The following NDRG2 variants were observed in gnomAD, a reference collection of about 807,000 sequenced individuals.
NDRG2 encodes the protein protein NDRG2.
A neutral mutation model predicts 58.2 loss-of-function variants in NDRG2; 34 were observed. That is an observed-to-expected ratio of 0.58 (90% CI 0.44 to 0.78). The LOEUF (loss-of-function observed/expected upper bound fraction) is 0.78, where lower values mean the gene tolerates loss of function less well. Among genes scored for constraint, NDRG2 ranks in the 30% least tolerant of loss-of-function variants. The pLI is 0.00. For synonymous variants in NDRG2, 187 were observed against 175.9 expected (o/e 1.06, Z -0.50); for missense variants, 434 against 471.2 (o/e 0.92, Z 0.73).
chr14:21,036,811 T>G (rs1231985211), intron 1 of NDRG2, among the ~76,000 whole-genome samples: 1 of 152,168 alleles, frequency 6.6e-6, no homozygotes, highest in Non-Finnish European at 1.5e-5. Flanking sequence ...TGGGAAGACC[T>G]CGCCAAGGAA....
chr14:21,033,985 G>A (rs533949543), intron 1 of NDRG2: 1 of 1,613,968 alleles, frequency 6.2e-7, no homozygotes, highest in African/African-American at 1.3e-5. Flanking sequence ...TCCTGGGTGA[G>A]TGTGCAGTAT....
rs1183340976 is a variant in NDRG2, at chr14:21,019,190, T to C, written c.717-30A>G. On this transcript the variant is annotated intron_variant, in intron 10 of 15. Transcript: ENST00000556147. ...AAAGGGGTTAAAAGAGTAGGAATTTTAGGTGGGCAATGCTATCTAACCAGA... is the reference window on the plus strand; with the variant it reads ...AAAGGGGTTAAAAGAGTAGGAATTTCAGGTGGGCAATGCTATCTAACCAGA... The C allele has an allele frequency of 4.4e-6, 7 of 1,597,114 alleles. No homozygotes were observed. In the African/African-American group the frequency reaches 9.5e-5, roughly 22 times the overall value.
intron 1 of NDRG2, chr14:21,032,165 A>G: frequency 7.3e-7 from 1 of 1,372,932 alleles, no homozygotes; most frequent in South Asian, 1.2e-5. Flanking sequence ...CTGTGTGTGC[A>G]GCAGCCAAAA....
chr14:21,030,442 A>G, upstream of NDRG2: 1 of 847,876 alleles, frequency 1.2e-6, no homozygotes. Context: ...AGGAGAGAGC[A>G]ACAGGGAAGA....
intron 1 of NDRG2, among the ~76,000 whole-genome samples, chr14:21,035,557 T>TA (rs1396553675): frequency 1.3e-5 from 2 of 152,206 alleles, no homozygotes; most frequent in African/African-American, 4.8e-5. Flanking sequence ...GGGCCTCCTC[T>TA]TAGGAGAGCC....
At chr14:21,022,979 A>C in intron 2 of NDRG2, 74 bp from the exon 3 acceptor site, 1 of 1,537,640 alleles carries the variant, frequency 6.5e-7, no homozygotes, top group Non-Finnish European at 9.0e-7. Flanking sequence ...CAAACAGACA[A>C]AGAGAGGCAA....
upstream of NDRG2, chr14:21,025,779 A>G (rs1299811689): frequency 7.0e-6 from 6 of 857,624 alleles, no homozygotes; most frequent in African/African-American, 1.1e-4. The surrounding 1 kb of genome is among the most constrained non-coding windows in gnomAD (Gnocchi z 5.1). Context: ...GGGGGCCGCT[A>G]TAAATAGAGG....
At chr14:21,036,172 A>G (rs1884612701) in intron 1 of NDRG2, 1 of 456,264 alleles carries the variant, frequency 2.2e-6, no homozygotes, top group Non-Finnish European at 4.4e-6. Flanking sequence ...CATCTCTTCC[A>G]TTCTTATTTC....
At chr14:21,069,456 A>G (rs1317517929) in intron 1 of NDRG2, among the ~76,000 whole-genome samples, 1 of 152,170 alleles carries the variant, frequency 6.6e-6, no homozygotes, top group African/African-American at 2.4e-5. Context: ...TCCCTCTTCT[A>G]GCCGAATAGA....
chr14:21,036,207 G>T (rs536979745), intron 1 of NDRG2: 3 of 456,056 alleles, frequency 6.6e-6, no homozygotes, highest in East Asian at 6.9e-5. Context: ...CTCTCGTCTC[G>T]CCTGGACAGC....
chr14:21,018,591 C>T, intron 12 of NDRG2, 87 bp from the exon 13 acceptor site: 3 of 1,563,352 alleles, frequency 1.9e-6, no homozygotes, highest in South Asian at 2.4e-5. Context: ...GACCCCAGTC[C>T]CTTTTCTATC....
chr14:21,027,272 G>A (rs1011714342), upstream of NDRG2, among the ~76,000 whole-genome samples: 1 of 152,148 alleles, frequency 6.6e-6, no homozygotes, highest in African/African-American at 2.4e-5. Flanking sequence ...GACAATCTCT[G>A]TCTAAACTCT....
intron 7 of NDRG2, 75 bp downstream of exon 7, chr14:21,020,709 A>G: frequency 6.3e-7 from 1 of 1,597,934 alleles, no homozygotes; most frequent in Non-Finnish European, 8.6e-7. Context: ...TCCTCCCCCA[A>G]ACAGCACTAA....
chr14:21,046,422 T>G (rs978116453), intron 1 of NDRG2, among the ~76,000 whole-genome samples: 1 of 152,102 alleles, frequency 6.6e-6, no homozygotes, highest in African/African-American at 2.4e-5. Context: ...CTCCAGAGGC[T>G]GAGGTGGCGG....
chr14:21,048,007 C>G (rs939589870), intron 1 of NDRG2, among the ~76,000 whole-genome samples: 22 of 152,134 alleles, frequency 1.4e-4, no homozygotes, highest in Admixed American at 1.4e-3. Context: ...TTCATAGTGT[C>G]TGGGGCTCTG....
At chr14:21,064,893 G>A (rs1055822468) in intron 1 of NDRG2, among the ~76,000 whole-genome samples, 1 of 152,154 alleles carries the variant, frequency 6.6e-6, no homozygotes, top group Non-Finnish European at 1.5e-5. Flanking sequence ...TCCCGTGGCC[G>A]GGCATGGTGG....
chr14:21,020,867 C>T lies in NDRG2; in HGVS notation c.408-23G>A, dbSNP rs111714553. On this transcript the variant is annotated intron_variant, in intron 6 of 15. Coordinates refer to ENST00000556147, the MANE Select transcript of NDRG2 (RefSeq NM_001320329.2). ...AAACTGTGAAAGGGAAAGAAATATA[C>T]GCCTCATGGGATCTGCTGTCCAAAA... 3.1e-3 allele frequency: 5,053 copies of T among 1,611,864 alleles called. 133 individuals carry two copies. In the African/African-American group the frequency reaches 0.057, roughly 18 times the overall value.
intron 1 of NDRG2, chr14:21,058,061 A>C: frequency 6.2e-7 from 1 of 1,614,154 alleles, no homozygotes; most frequent in Non-Finnish European, 8.5e-7. Flanking sequence ...CATGAGCATC[A>C]TCAATAAGTA....
intron 6 of NDRG2, chr14:21,021,170 T>A (rs1428466509): frequency 2.0e-6 from 1 of 501,772 alleles, no homozygotes; most frequent in East Asian, 5.2e-5. Flanking sequence ...AAGAGCCAGT[T>A]CAACTTGTTC....
Sources: allele counts gnomAD v4.1 joint callset (sites outside exome capture counted in the v4.1 genomes callset), GRCh38; gene constraint gnomAD v4.1.1; non-coding constraint Gnocchi (gnomAD v3.1); transcripts MANE v1.5; gene names NCBI Gene and HGNC (gene_info 2026-07-23, HGNC 2026-07-21).